Variants in KCNIP3 observed in about 807,000 individuals in gnomAD.
KCNIP3 encodes the protein potassium voltage-gated channel interacting protein 3, also known as calsenilin.
In KCNIP3, 28 loss-of-function variants were observed where a neutral mutation model predicts 35.0. That is an observed-to-expected ratio of 0.80 (90% confidence interval 0.59 to 1.10). KCNIP3 has a LOEUF of 1.10. Among genes scored for constraint, KCNIP3 ranks in the 50% least tolerant of loss-of-function variants. The pLI is 0.00. For missense variants in KCNIP3, 295 were observed against 338.4 expected, an observed-to-expected ratio of 0.87 and a Z score of 1.01; for synonymous variants, 134 against 133.8, an observed-to-expected ratio of 1.00 and a Z score of -0.01.
chr2:95,384,083 C>T lies in KCNIP3; in HGVS notation c.*34C>T. ...CAAAGGAGTGCATGGCCACAGCCAC[C>T]TCCACCCCCAAGAAACCTCCATCCT... is the stretch of plus-strand genomic sequence containing the variant. On this transcript the variant is annotated 3_prime_UTR_variant, in exon 9 of 9. Transcript: ENST00000295225. The T allele has an allele frequency of 1.9e-6, 3 of 1,605,680 alleles. No individual in the cohort carries two copies. Among genetic ancestry groups the T allele is most frequent in the Non-Finnish European group, 2.6e-6 (3 of 1,172,612 alleles).
rs567803616 is a variant in KCNIP3 at position 95,385,442 on chromosome 2, A to C, written c.*1393A>C. 1 of 153,048 alleles carries C rather than the reference A, an allele frequency of 6.5e-6. No homozygotes were observed. Among genetic ancestry groups the C allele is most frequent in the South Asian group, 2.1e-4 (1 of 4,836 alleles). 9.5% of individuals were successfully genotyped at this position (153,048 alleles called of 1,614,324 possible). On this transcript the variant is annotated 3_prime_UTR_variant, in exon 9 of 9. Coordinates refer to ENST00000295225, the MANE Select transcript of KCNIP3 (RefSeq NM_013434.5). The stretch of plus-strand genomic sequence containing the variant: ...GTGGTCAGCAGAAACCCCCAGGAGG[A>C]GAGAGATGCTGCTCCCGCCTGATTG...
chr2:95,323,991 G>A lies in KCNIP3; in HGVS notation c.181+13471G>A, dbSNP rs113246887. Among the ~76,000 whole-genome samples the A allele has an allele frequency of 2.6e-3, 401 of 152,312 alleles. 1 individual carries two copies. The highest frequency in any genetic ancestry group is 6.8e-3 in the Middle Eastern group (2 of 294). ...GGTGCCTCATCCACACTCCGGGCCT[G>A]CACCTGATGGGGCGGGGAGGCAGAG... On this transcript the variant is annotated intron_variant, in intron 2 of 8. Transcript: ENST00000295225.
chr2:95,338,634 C>T (rs924030131), intron 2 of KCNIP3, among the ~76,000 whole-genome samples: 18 of 152,118 alleles, frequency 1.2e-4, no homozygotes, highest in Non-Finnish European at 1.9e-4. Context: ...AACACTGTCG[C>T]CCCCAATGAA....
intron 5 of KCNIP3, among the ~76,000 whole-genome samples, chr2:95,380,452 G>A (rs775338985): frequency 3.9e-5 from 6 of 152,146 alleles, no homozygotes; most frequent in Admixed American, 1.3e-4. Flanking sequence ...CACTCTGACC[G>A]TCCTCTGTCC....
chr2:95,360,932 A>T (rs1408766272), intron 2 of KCNIP3, among the ~76,000 whole-genome samples: 1 of 152,246 alleles, frequency 6.6e-6, no homozygotes, highest in Non-Finnish European at 1.5e-5. Flanking sequence ...GGAGACAAAC[A>T]TTCAAACCAC....
chr2:95,306,491 A>G (rs1425819095), intron 1 of KCNIP3, among the ~76,000 whole-genome samples: 1 of 152,202 alleles, frequency 6.6e-6, no homozygotes, highest in African/African-American at 2.4e-5. Flanking sequence ...GGATCAGTTC[A>G]CAAGGGCTGG....
intron 2 of KCNIP3, among the ~76,000 whole-genome samples, chr2:95,340,007 A>T (rs1679153848): frequency 6.6e-6 from 1 of 152,120 alleles, no homozygotes; most frequent in Non-Finnish European, 1.5e-5. Flanking sequence ...GGAAAAGAGA[A>T]GAGAGAACAA....
intron 2 of KCNIP3, among the ~76,000 whole-genome samples, chr2:95,324,892 CAG>C (rs1678698947): frequency 6.6e-6 from 1 of 152,124 alleles, no homozygotes; most frequent in Admixed American, 6.5e-5. Context: ...GCCTGGGTGA[CAG>C]AGTGAGACTC....
rs567029034 is a variant in KCNIP3, at chr2:95,383,653, G to T, written c.724-349G>T. 2.1e-4 allele frequency among the ~76,000 whole-genome samples: 32 copies of T among 152,366 alleles called. No individual in the cohort carries two copies. The South Asian group carries it at 6.2e-3, about 30-fold the overall frequency. On this transcript the variant is annotated intron_variant, in intron 8 of 8. Coordinates refer to ENST00000295225, the MANE Select transcript of KCNIP3 (RefSeq NM_013434.5). ...CGCAGTGTTGCTGCTGGCCCTTCCA[G>T]AGAGCACCTCAGGGGGCAGGATGCT...
At chr2:95,297,505 A>G (rs1436869662) in intron 1 of KCNIP3, 52 bp downstream of exon 1, 4 of 1,050,906 alleles carry the variant, frequency 3.8e-6, no homozygotes, top group East Asian at 2.8e-5. Context: ...GGGGGGAGGA[A>G]TGGAGGCTTC....
chr2:95,323,475 G>A (rs1161059133), intron 2 of KCNIP3, among the ~76,000 whole-genome samples: 17 of 152,164 alleles, frequency 1.1e-4, no homozygotes, highest in Admixed American at 1.3e-4. Flanking sequence ...GCTGGAGCCC[G>A]CAGGCCTGGC....
chr2:95,333,913 G>A (rs537462554), intron 2 of KCNIP3, among the ~76,000 whole-genome samples: 2 of 152,182 alleles, frequency 1.3e-5, no homozygotes, highest in South Asian at 2.1e-4. Flanking sequence ...CAAGTCATTC[G>A]TCTGCATTCA....
At chr2:95,370,683 T>C (rs557502364) in intron 2 of KCNIP3, among the ~76,000 whole-genome samples, 15 of 152,360 alleles carry the variant, frequency 9.8e-5, no homozygotes, top group South Asian at 4.1e-4. Context: ...ACTGGAGATA[T>C]GTTTTTCCAG....
chr2:95,375,148 C>T lies in KCNIP3; in HGVS notation c.387C>T (p.Thr129=), dbSNP rs138182369. 1.7e-5 allele frequency: 27 copies of T among 1,614,094 alleles called. No homozygotes were observed. The African/African-American group carries it at 2.8e-4, about 17-fold the overall frequency. ...AQFFPQGDAT[T]YAHFLFNAFD... ...CCTTGCCCTCCCCAGATGCCACCAC[C>T]TATGCACACTTCCTCTTCAACGCCT... Residue 129 remains threonine, a synonymous_variant, in exon 5 of 9, where the codon ACC becomes ACT. Coordinates refer to ENST00000295225, the MANE Select transcript of KCNIP3 (RefSeq NM_013434.5).
chr2:95,297,498 G>T (rs767769972), intron 1 of KCNIP3, 45 bp downstream of exon 1: 2 of 866,078 alleles, frequency 2.3e-6, no homozygotes, highest in East Asian at 2.8e-5. Flanking sequence ...GGGGGTCGGG[G>T]GGAGGAATGG....
intron 2 of KCNIP3, among the ~76,000 whole-genome samples, chr2:95,332,337 G>T (rs552668341): frequency 6.6e-6 from 1 of 152,244 alleles, no homozygotes; most frequent in Non-Finnish European, 1.5e-5. Flanking sequence ...AGTCTGGCCC[G>T]CCTTGGTGGC....
At chr2:95,300,886 C>T (rs1678009860) in intron 1 of KCNIP3, among the ~76,000 whole-genome samples, 1 of 152,232 alleles carries the variant, frequency 6.6e-6, no homozygotes, top group Non-Finnish European at 1.5e-5. Context: ...TCAGCCTGGC[C>T]ATGCCTGGGC....
intron 2 of KCNIP3, chr2:95,310,843 C>T (rs1371897494): frequency 5.1e-5 from 20 of 392,142 alleles, no homozygotes; most frequent in South Asian, 9.4e-5. Flanking sequence ...CCACTGCTCA[C>T]GCCCTGAGTA....
chr2:95,346,544 G>A (rs1679370654), intron 2 of KCNIP3, among the ~76,000 whole-genome samples: 2 of 146,856 alleles, frequency 1.4e-5, no homozygotes, highest in African/African-American at 4.9e-5. Context: ...CAATGAGCGC[G>A]CGGGGAGCGG....
Sources: gnomAD v4.1 joint callset for allele counts (sites outside exome capture counted in the v4.1 genomes callset) on GRCh38, gnomAD v4.1.1 for gene constraint, MANE v1.5 for transcripts, NCBI Gene and HGNC (gene_info 2026-07-23, HGNC 2026-07-21) for gene names.